The following BAHCC1 variants were observed in gnomAD, a reference collection of about 807,000 sequenced individuals.
BAHCC1 encodes BAH domain and coiled-coil containing 1.
In BAHCC1, 43 loss-of-function variants were observed where a neutral mutation model predicts 88.2. The observed-to-expected ratio is 0.49, with a 90% CI of 0.38 to 0.63. The LOEUF is 0.63. Among genes scored for constraint, BAHCC1 ranks in the 20% least tolerant of loss-of-function variants. BAHCC1 has a pLI of 0.00. For synonymous variants in BAHCC1, 1,510 were observed against 745.5 expected (o/e 2.03, Z -16.71); for missense variants, 3,023 against 1,654.8 (o/e 1.83, Z -14.34).
intron 10 of BAHCC1, 101 bp from the exon 11 acceptor site, chr17:81,446,935 G>A: frequency 1.4e-6 from 1 of 724,552 alleles, no homozygotes; most frequent in Non-Finnish European, 2.5e-6. Flanking sequence ...TTCCGCACGG[G>A]CTTGGGTCTG....
chr17:81,406,935 A>G (rs1555647018), intron 2 of BAHCC1: 1 of 456,254 alleles, frequency 2.2e-6, no homozygotes, highest in South Asian at 1.5e-5. Flanking sequence ...ATCAGCCAGG[A>G]AGTGGGTTTT....
intron 23 of BAHCC1, 98 bp from the exon 24 acceptor site, chr17:81,460,179 C>A: frequency 1.5e-6 from 1 of 672,880 alleles, no homozygotes; most frequent in Middle Eastern, 3.9e-4. Context: ...ACCCCAGAGC[C>A]CTCCCCTCAC....
chr17:81,461,794 C>T lies in BAHCC1; in HGVS notation c.7131C>T (p.Arg2377=). ...PTLLAQPEAL[R]SKGSGPHAHA... ...TCCTGGCCCAGCCCGAGGCCCTGCGCTCCAAGGGCAGCGGCCCTCACGCGC... is the reference window on the plus strand; with the variant it reads ...TCCTGGCCCAGCCCGAGGCCCTGCGTTCCAAGGGCAGCGGCCCTCACGCGC... Residue 2377 remains arginine, a synonymous_variant, in exon 26 of 28, where the codon CGC becomes CGT. Transcript: ENST00000675386. 2.8e-6 allele frequency: 2 copies of T among 716,212 alleles called. No homozygotes were observed. The highest frequency in any genetic ancestry group is 5.2e-6 in the Non-Finnish European group (2 of 384,158). 44.4% of individuals were successfully genotyped at this position (716,212 alleles called of 1,614,324 possible). A position where few individuals can be genotyped will look rare whatever the true frequency, so the allele number is the denominator to read the frequency against.
chr17:81,419,293 A>G (rs150825649), intron 2 of BAHCC1, among the ~76,000 whole-genome samples: 280 of 152,214 alleles, frequency 1.8e-3, no homozygotes, highest in African/African-American at 6.4e-3. Flanking sequence ...GGGCAGCCAA[A>G]TGGTCAGATG....
chr17:81,453,829 C>T (rs532536124), intron 14 of BAHCC1, among the ~76,000 whole-genome samples: 2 of 152,386 alleles, frequency 1.3e-5, no homozygotes, highest in African/African-American at 4.8e-5. Context: ...CTCACTCATC[C>T]AGGCAGTGGT....
At chr17:81,396,134 T>A (rs1162292494) in intron 1 of BAHCC1, 1 of 152,300 alleles carries the variant, frequency 6.6e-6, no homozygotes, top group Non-Finnish European at 1.5e-5. Flanking sequence ...AGTCCTGGGT[T>A]GGCCCTGCCC....
At chr17:81,444,152 G>T (rs574098978) in intron 6 of BAHCC1, 1 of 602,416 alleles carries the variant, frequency 1.7e-6, no homozygotes, top group African/African-American at 1.9e-5. Context: ...CCAGGAGATG[G>T]CCCCCAGTCA....
chr17:81,433,151 C>T (rs1555651184), intron 3 of BAHCC1, among the ~76,000 whole-genome samples: 1 of 151,716 alleles, frequency 6.6e-6, no homozygotes. Context: ...GGCTGAGCTT[C>T]TGAAGCCTCA....
rs2064441861 is a variant in BAHCC1 at position 81,442,577 on chromosome 17, G to A, written c.1228G>A (p.Ala410Thr). The A allele has an allele frequency of 1.3e-6, 1 of 761,226 alleles. No homozygotes were observed. Among genetic ancestry groups the A allele is most frequent in the African/African-American group, 1.7e-5 (1 of 58,404 alleles). 47.2% of individuals were successfully genotyped at this position (761,226 alleles called of 1,614,324 possible). A position where few individuals can be genotyped will look rare whatever the true frequency, so the allele number is the denominator to read the frequency against. Residue 410 changes from alanine (A) to threonine (T), a missense_variant, in exon 5 of 28, where the codon GCC (alanine) becomes ACC (threonine). Physicochemically the swap from Ala to Thr is moderately conservative, Grantham distance 58. Coordinates refer to ENST00000675386, the MANE Select transcript of BAHCC1 (RefSeq NM_001377448.1). The stretch of plus-strand genomic sequence containing the variant: ...GGCCGACAAGGGCCGCCCCTTCCAG[G>A]CCGCCGAGGCCTGTGCCGTGGCAGG... ...HLADKGRPFQ[A>T]AEACAVAGEG...
intron 15 of BAHCC1, among the ~76,000 whole-genome samples, 194 bp downstream of exon 15, chr17:81,455,584 C>T (rs547752803): frequency 2.6e-5 from 4 of 152,308 alleles, no homozygotes; most frequent in South Asian, 2.1e-4. Context: ...AAGGTCTGAC[C>T]GGGTGGCCCT....
Position 81,460,378 on chromosome 17 carries a change from C to G in BAHCC1, c.6007C>G (p.Pro2003Ala), listed in dbSNP as rs782180359. 9.1e-6 allele frequency: 7 copies of G among 768,428 alleles called. No individual in the cohort carries two copies. The South Asian group carries it at 9.7e-5, about 11-fold the overall frequency. 47.6% of individuals were successfully genotyped at this position (768,428 alleles called of 1,614,324 possible). The change falls in exon 24 of 28, where the codon CCT becomes GCT. Residue 2003 changes from proline (P) to alanine (A), a missense_variant. Coordinates refer to ENST00000675386, the MANE Select transcript of BAHCC1 (RefSeq NM_001377448.1). ...CGTCTCCAACGTCAGGCTGCTGCCC[C>G]CTGACTTCAAGATCCAGTGTGAGCC... ...IAVSNVRLLP[P>A]DFKIQCTEPS...
intron 2 of BAHCC1, among the ~76,000 whole-genome samples, chr17:81,412,076 C>G (rs947303274): frequency 6.6e-6 from 1 of 152,238 alleles, no homozygotes; most frequent in South Asian, 2.1e-4. Flanking sequence ...GGTCCCCCGT[C>G]CCTGGCCGGT....
At chr17:81,421,968 G>A (rs782312613) in intron 2 of BAHCC1, 3 of 420,296 alleles carry the variant, frequency 7.1e-6, no homozygotes, top group Non-Finnish European at 4.8e-6. Context: ...ACGCTCATGC[G>A]AGGGCCTCAG....
In BAHCC1 at chr17:81,444,380, G is replaced by T; in HGVS notation, c.2325-1G>T. ...GCAGGGCTGAGCCCCAGGTCTTACAGGGACAGCAAAGACCGCGTAGAGTTC... is the reference window on the plus strand; with the variant it reads ...GCAGGGCTGAGCCCCAGGTCTTACATGGACAGCAAAGACCGCGTAGAGTTC... On this transcript the variant is annotated splice_acceptor_variant, in intron 6 of 27. Transcript: ENST00000675386. LOFTEE classifies it high-confidence loss of function. 1.4e-6 allele frequency: 1 copy of T among 735,954 alleles called. No homozygotes were observed. The allele number at this position is 735,954 out of a possible 1,614,324, so 45.6% of individuals were successfully genotyped here. A position where few individuals can be genotyped will look rare whatever the true frequency, so the allele number is the denominator to read the frequency against.
rs1567998085 is a variant in BAHCC1 at position 81,411,518 on chromosome 17, T to TGCCTTCCTC, written c.178+11601_178+11602insGCCTTCCTC. The TGCCTTCCTC allele has an allele frequency of 1.0e-4, 10 of 98,746 alleles. No homozygotes were observed. In the East Asian group the frequency reaches 4.1e-3, roughly 41 times the overall value. The allele number at this position is 98,746 out of a possible 1,614,324, so 6.1% of individuals were successfully genotyped here. ...TGCCTGCCTGCCTGCCTGCCTGCCTTCCTTCCTTCCTTCCTTCCTTCCTTC... is the reference window on the plus strand; with the variant it reads ...TGCCTGCCTGCCTGCCTGCCTGCCTTGCCTTCCTCCCTTCCTTCCTTCCTTCCTTCCTTC... On this transcript the variant is annotated intron_variant, in intron 2 of 27. Transcript: ENST00000675386. The surrounding 1 kb of genome is among the most constrained non-coding windows in gnomAD (Gnocchi z 6.2).
intron 27 of BAHCC1, 113 bp from the exon 28 acceptor site, chr17:81,463,498 G>C (rs577308526): frequency 5.2e-5 from 36 of 688,480 alleles, no homozygotes; most frequent in Admixed American, 3.2e-4. Flanking sequence ...CGGCCACACA[G>C]AAGTCCATCC....
Position 81,447,756 on chromosome 17 carries a change from T to C in BAHCC1, c.3884T>C (p.Leu1295Pro). ...AASGPPSTVP[L>P]PHSSGIHGIA... ...TCTGGGCCCCCCAGCACAGTCCCCC[T>C]GCCTCATAGCTCAGGGATTCATGGG... Residue 1295 changes from leucine to proline, a missense_variant, in exon 11 of 28, where the codon CTG becomes CCG. By Grantham distance (98) the Leu-to-Pro change is moderately conservative. Transcript: ENST00000675386. 1.3e-6 allele frequency: 1 copy of C among 742,400 alleles called. No individual in the cohort carries two copies. The highest frequency in any genetic ancestry group is 2.6e-5 in the East Asian group (1 of 38,958). 46.0% of individuals were successfully genotyped at this position (742,400 alleles called of 1,614,324 possible). A position where few individuals can be genotyped will look rare whatever the true frequency, so the allele number is the denominator to read the frequency against.
intron 4 of BAHCC1, among the ~76,000 whole-genome samples, chr17:81,439,243 TTTTAAAAAGTTCTCC>T (rs1256122902): frequency 6.6e-6 from 1 of 152,172 alleles, no homozygotes; most frequent in Non-Finnish European, 1.5e-5. Context: ...CTCATTTGCA[TTTTAAAAAGTTCTCC>T]TTGGGGTGAC....
At chr17:81,438,167 T>C (rs890760080) in intron 3 of BAHCC1, among the ~76,000 whole-genome samples, 13 of 152,364 alleles carry the variant, frequency 8.5e-5, no homozygotes, top group South Asian at 4.1e-4. Flanking sequence ...ATTCAATTTG[T>C]GCCGCACCGG....
Sources: gnomAD v4.1 joint callset for allele counts (sites outside exome capture counted in the v4.1 genomes callset) on GRCh38, gnomAD v4.1.1 for gene constraint, Gnocchi (gnomAD v3.1) non-coding constraint, MANE v1.5 for transcripts, NCBI Gene and HGNC (gene_info 2026-07-23, HGNC 2026-07-21) for gene names.